ALG8: variants seen among roughly 807,000 people sequenced by gnomAD.
ALG8 encodes dolichyl pyrophosphate Glc1Man9GlcNAc2 alpha-1,3-glucosyltransferase.
A neutral mutation model predicts 70.2 loss-of-function variants in ALG8; 48 were observed. That is an observed-to-expected ratio of 0.68 (90% CI 0.54 to 0.87). ALG8 has a LOEUF of 0.87. ALG8 is among the 40% of genes least tolerant of loss of function. The pLI is 0.00. For missense variants in ALG8, 572 were observed against 608.7 expected (o/e 0.94, Z 0.64); for synonymous variants, 234 against 229.0 (o/e 1.02, Z -0.20).
intron 8 of ALG8, among the ~76,000 whole-genome samples, chr11:78,109,987 T>C (rs1427143569): frequency 6.6e-6 from 1 of 152,038 alleles, no homozygotes; most frequent in Non-Finnish European, 1.5e-5. Context: ...CATCGCCCCT[T>C]CCCCCCTGTT....
At chr11:78,106,718 G>A in intron 10 of ALG8, 89 bp downstream of exon 10, 1 of 1,564,192 alleles carries the variant, frequency 6.4e-7, no homozygotes, top group South Asian at 1.1e-5. Context: ...GCCTATCCTG[G>A]TGAACATGAC....
intron 3 of ALG8, 73 bp downstream of exon 3, chr11:78,123,948 G>C: frequency 6.6e-7 from 1 of 1,514,464 alleles, no homozygotes; most frequent in Non-Finnish European, 9.2e-7. Context: ...TAAATTGGGA[G>C]TAAGTTAATA....
intron 3 of ALG8, among the ~76,000 whole-genome samples, chr11:78,122,425 C>T (rs1860861324): frequency 6.6e-6 from 1 of 151,464 alleles, no homozygotes; most frequent in Non-Finnish European, 1.5e-5. Flanking sequence ...TCACTGCAGC[C>T]TTGACCACCC....
chr11:78,121,789 A>G (rs1444657122), intron 3 of ALG8, among the ~76,000 whole-genome samples: 4 of 152,202 alleles, frequency 2.6e-5, no homozygotes, highest in Non-Finnish European at 4.4e-5. Flanking sequence ...ATTATATATC[A>G]TAATACCAGC....
intron 2 of ALG8, among the ~76,000 whole-genome samples, chr11:78,126,873 G>C (rs998004407): frequency 2.0e-5 from 3 of 152,320 alleles, no homozygotes; most frequent in African/African-American, 7.2e-5. Context: ...CCAATTTATA[G>C]ACTGGGAAAC....
At chr11:78,112,825 A>T in intron 7 of ALG8, 55 bp from the exon 8 acceptor site, 1 of 1,595,630 alleles carries the variant, frequency 6.3e-7, no homozygotes, top group Non-Finnish European at 8.6e-7. Flanking sequence ...TTTCAAATTC[A>T]AAAAGAGAAC....
intron 1 of ALG8, among the ~76,000 whole-genome samples, chr11:78,129,354 A>G (rs1239125677): frequency 6.6e-6 from 1 of 151,188 alleles, no homozygotes; most frequent in African/African-American, 2.4e-5. Flanking sequence ...CAGGAGGCGG[A>G]GCTTGCAGTG....
rs1214961762 is a variant in ALG8 at position 78,106,796 on chromosome 11, T to C, written c.1178+11A>G. ...ATGCCAAAATGCTCACTGGCTGAGC[T>C]ATCTGCTTACCTCATTGGGAGAATT... is the stretch of plus-strand genomic sequence containing the variant. On this transcript the variant is annotated intron_variant, in intron 10 of 12. Coordinates refer to ENST00000299626, the MANE Select transcript of ALG8 (RefSeq NM_024079.5). 6.2e-7 allele frequency: 1 copy of C among 1,613,790 alleles called. No homozygotes were observed.
intron 9 of ALG8, among the ~76,000 whole-genome samples, chr11:78,107,513 C>G (rs1003870404): frequency 1.3e-5 from 2 of 149,256 alleles, no homozygotes; most frequent in Non-Finnish European, 3.0e-5. Context: ...GCCACCGCAC[C>G]TAGCCTTGAT....
At chr11:78,107,038 G>A in intron 9 of ALG8, 92 bp from the exon 10 acceptor site, 1 of 1,438,746 alleles carries the variant, frequency 7.0e-7, no homozygotes, top group Non-Finnish European at 9.6e-7. Context: ...CATCATCTCT[G>A]AAAGACAGCC....
At chr11:78,127,856 T>A (rs1172176571) in intron 1 of ALG8, among the ~76,000 whole-genome samples, 1 of 151,970 alleles carries the variant, frequency 6.6e-6, no homozygotes. Context: ...ACTACAGGCA[T>A]GTACCACCAA....
Position 78,100,964 on chromosome 11 carries a change from T to A in ALG8, c.1581A>T (p.Ter527CysextTer?). Residue 527 changes from the stop codon to cysteine, a stop_lost, in exon 13 of 13, where the codon TGA (stop) becomes TGT (cysteine). Coordinates refer to ENST00000299626, the MANE Select transcript of ALG8 (RefSeq NM_024079.5). ...DSAIGKTKKQ[*>C] The stretch of plus-strand genomic sequence containing the variant: ...GCACATATCTAAGCAGTTCCTTTAT[T>A]CATTGTTTCTTTGTCTTGCCAATAG... The A allele has an allele frequency of 6.2e-7, 1 of 1,613,336 alleles. No homozygotes were observed. The highest frequency in any genetic ancestry group is 8.5e-7 in the Non-Finnish European group (1 of 1,179,224).
chr11:78,125,724 C>CT (rs1861039567), intron 2 of ALG8, among the ~76,000 whole-genome samples: 1 of 151,850 alleles, frequency 6.6e-6, no homozygotes, highest in Non-Finnish European at 1.5e-5. Flanking sequence ...AGGAGAATCA[C>CT]TTGAACCCAG....
At chr11:78,127,547 A>G in intron 1 of ALG8, 111 bp from the exon 2 acceptor site, 1 of 907,778 alleles carries the variant, frequency 1.1e-6, no homozygotes, top group East Asian at 2.6e-5. Flanking sequence ...GTCACAGCTC[A>G]CTGTCCTATA....
intron 3 of ALG8, among the ~76,000 whole-genome samples, chr11:78,122,720 A>C (rs976065668): frequency 6.6e-6 from 1 of 152,004 alleles, no homozygotes; most frequent in African/African-American, 2.4e-5. Flanking sequence ...GTGCTTGTAT[A>C]CTCTTCCCCT....
chr11:78,133,210 T>C (rs1861382994), intron 1 of ALG8, among the ~76,000 whole-genome samples: 1 of 152,210 alleles, frequency 6.6e-6, no homozygotes, highest in South Asian at 2.1e-4. Flanking sequence ...TGTACTGTTA[T>C]ACTTACTGAA....
intron 6 of ALG8, 113 bp downstream of exon 6, chr11:78,114,153 T>C: frequency 6.9e-7 from 1 of 1,459,210 alleles, no homozygotes; most frequent in Non-Finnish European, 9.5e-7. Context: ...CTTACAGGAT[T>C]AGCAGCTGAG....
chr11:78,115,741 T>C (rs1363771285), intron 5 of ALG8, among the ~76,000 whole-genome samples: 1 of 152,170 alleles, frequency 6.6e-6, no homozygotes, highest in African/African-American at 2.4e-5. Context: ...CCAACAAAGA[T>C]TTATCACATA....
intron 1 of ALG8, 87 bp from the exon 2 acceptor site, chr11:78,127,523 A>G: frequency 8.6e-7 from 1 of 1,158,708 alleles, no homozygotes; most frequent in Non-Finnish European, 1.3e-6. Context: ...AAATGGACTG[A>G]CATTCCCTAA....
Sources: allele counts gnomAD v4.1 joint callset (sites outside exome capture counted in the v4.1 genomes callset), GRCh38; gene constraint gnomAD v4.1.1; transcripts MANE v1.5; gene names NCBI Gene and HGNC (gene_info 2026-07-23, HGNC 2026-07-21).